ANTXR2: variants seen among roughly 807,000 people sequenced by gnomAD.
The protein encoded by ANTXR2 is ANTXR cell adhesion molecule 2, also known as anthrax toxin receptor 2.
ANTXR2 carries 44 observed loss-of-function variants against 73.7 expected under a neutral mutation model. The observed-to-expected ratio is 0.60, with a 90% CI of 0.47 to 0.77. ANTXR2 has a LOEUF of 0.77. Ranked by LOEUF, ANTXR2 falls within the 30% of genes least tolerant of loss-of-function variation. The pLI is 0.00. For synonymous variants in ANTXR2, 217 were observed against 205.9 expected (o/e 1.05, Z -0.46); for missense variants, 604 against 592.5 (o/e 1.02, Z -0.20).
rs377006532 is a variant in ANTXR2, at chr4:79,915,862, C to CTCTA, written c.1429-8396_1429-8395insTAGA. Reference sequence around the variant, plus strand: ...TCTCTCTCTCTCTCTCTCTCTCTCTCTATATATATATATATACATAAAGAA... The same window carrying CTCTA: ...TCTCTCTCTCTCTCTCTCTCTCTCTCTCTATATATATATATATATACATAAAGAA... On this transcript the variant is annotated intron_variant, in intron 16 of 16. Transcript: ENST00000403729. Among the ~76,000 whole-genome samples, 660 of 123,866 alleles carry CTCTA rather than the reference C, an allele frequency of 5.3e-3. 4 individuals carry two copies. The highest frequency in any genetic ancestry group is 9.9e-3 in the African/African-American group (325 of 32,912). 81.3% of individuals were successfully genotyped at this position (123,866 alleles called of 152,430 possible). A position where few individuals can be genotyped will look rare whatever the true frequency, so the allele number is the denominator to read the frequency against.
At position 79,934,539 on chromosome 4, in the gene ANTXR2, C is replaced by CAA. The variant is rs1295742879; in HGVS notation, c.1429-27074_1429-27073dup. Among the ~76,000 whole-genome samples, 12 of 112,516 alleles carry CAA rather than the reference C, an allele frequency of 1.1e-4. 1 individual carries two copies. Among genetic ancestry groups the CAA allele is most frequent in the South Asian group, 7.6e-4 (3 of 3,940 alleles). The allele number at this position is 112,516 out of a possible 152,430, so 73.8% of individuals were successfully genotyped here. On this transcript the variant is annotated intron_variant, in intron 16 of 16. Coordinates refer to ENST00000403729, the MANE Select transcript of ANTXR2 (RefSeq NM_058172.6). ...AAGACCCTGTCTAAAACAACAACAA[C>CAA]AACAAAAAAAAAAAAACACCAAACC...
chr4:79,934,554 A>AC (rs1352623315), intron 16 of ANTXR2, among the ~76,000 whole-genome samples: 5 of 151,740 alleles, frequency 3.3e-5, no homozygotes, highest in Non-Finnish European at 7.4e-5. Context: ...AAAAAAAAAA[A>AC]ACACCAAACC....
rs1298054513 is a variant in ANTXR2 at position 79,983,983 on chromosome 4, G to A, written c.1087-13C>T. Reference sequence around the variant, plus strand: ...GTTCTTCTTCCTCCTGTGGAAATATGTTTTATAAATAGTTTTTAATTAATT... The same window carrying A: ...GTTCTTCTTCCTCCTGTGGAAATATATTTTATAAATAGTTTTTAATTAATT... On this transcript the variant is annotated splice_polypyrimidine_tract_variant and intron_variant, in intron 13 of 16. Coordinates refer to ENST00000403729, the MANE Select transcript of ANTXR2 (RefSeq NM_058172.6). 5.2e-6 allele frequency: 8 copies of A among 1,529,250 alleles called. No homozygotes were observed. Among genetic ancestry groups the A allele is most frequent in the Non-Finnish European group, 6.2e-6 (7 of 1,128,964 alleles). 94.7% of individuals were successfully genotyped at this position (1,529,250 alleles called of 1,614,324 possible).
At chr4:80,000,795 T>G (rs1730992513) in intron 12 of ANTXR2, among the ~76,000 whole-genome samples, 1 of 152,110 alleles carries the variant, frequency 6.6e-6, no homozygotes, top group African/African-American at 2.4e-5. Context: ...ACAGACACAG[T>G]AATTAGTCAA....
intron 7 of ANTXR2, among the ~76,000 whole-genome samples, chr4:80,043,131 A>C (rs1271709926): frequency 6.6e-6 from 1 of 152,020 alleles, no homozygotes; most frequent in East Asian, 1.9e-4. Context: ...TTCCATACTA[A>C]AAGCTCTGAC....
chr4:79,982,073 A>C (rs1173269103), intron 14 of ANTXR2, among the ~76,000 whole-genome samples: 2 of 152,264 alleles, frequency 1.3e-5, no homozygotes, highest in East Asian at 3.9e-4. Flanking sequence ...AAGAGATCTC[A>C]ATCTTTGGAA....
In ANTXR2 at chr4:79,907,214, T is replaced by C. The variant is rs1400884360; in HGVS notation, c.*215A>G. The C allele has an allele frequency of 5.0e-6, 3 of 596,198 alleles. No homozygotes were observed. The highest frequency in any genetic ancestry group is 2.9e-6 in the Non-Finnish European group (1 of 340,694). 36.9% of individuals were successfully genotyped at this position (596,198 alleles called of 1,614,324 possible). A position where few individuals can be genotyped will look rare whatever the true frequency, so the allele number is the denominator to read the frequency against. On this transcript the variant is annotated 3_prime_UTR_variant, in exon 17 of 17. Transcript: ENST00000403729. ...AATGTCATAAATCATGAGTTACCACTGAGTTTCATCACCTCCCATGTAGAT... is the reference window on the plus strand; with the variant it reads ...AATGTCATAAATCATGAGTTACCACCGAGTTTCATCACCTCCCATGTAGAT...
intron 10 of ANTXR2, among the ~76,000 whole-genome samples, chr4:80,022,420 T>C (rs1238280126): frequency 6.6e-6 from 1 of 152,234 alleles, no homozygotes; most frequent in Non-Finnish European, 1.5e-5. Flanking sequence ...ATTATTGGTA[T>C]GGTACTGGCA....
intron 3 of ANTXR2, among the ~76,000 whole-genome samples, chr4:80,062,129 T>C (rs1272670217): frequency 6.6e-6 from 1 of 152,216 alleles, no homozygotes; most frequent in Non-Finnish European, 1.5e-5. Context: ...CATGTCATTC[T>C]AATGCCAACA....
chr4:80,018,194 T>G (rs1037599607), intron 11 of ANTXR2, among the ~76,000 whole-genome samples: 1 of 152,190 alleles, frequency 6.6e-6, no homozygotes, highest in African/African-American at 2.4e-5. Flanking sequence ...TTACATATTT[T>G]TTACAAAATA....
chr4:80,031,541 A>G, intron 10 of ANTXR2, 82 bp downstream of exon 10: 3 of 1,102,096 alleles, frequency 2.7e-6, no homozygotes, highest in Non-Finnish European at 3.8e-6. Context: ...AAGATAGAAT[A>G]AAATGACCAA....
intron 7 of ANTXR2, among the ~76,000 whole-genome samples, chr4:80,039,706 G>A (rs752718571): frequency 2.6e-5 from 4 of 152,218 alleles, no homozygotes; most frequent in African/African-American, 9.6e-5. Context: ...TTTAGCCACT[G>A]TGGAAAGCAG....
intron 16 of ANTXR2, among the ~76,000 whole-genome samples, chr4:79,912,907 A>T (rs557021031): frequency 6.6e-6 from 1 of 152,282 alleles, no homozygotes; most frequent in Non-Finnish European, 1.5e-5. Context: ...TTATGCAAAG[A>T]CTTTAATAGA....
intron 3 of ANTXR2, among the ~76,000 whole-genome samples, chr4:80,058,366 A>T (rs1461059250): frequency 6.6e-6 from 1 of 152,048 alleles, no homozygotes; most frequent in Non-Finnish European, 1.5e-5. Flanking sequence ...TCCCATCATT[A>T]CTTTTGCAGC....
rs60730236 is a variant in ANTXR2 at position 80,061,284 on chromosome 4, CTGTGTGTG to C, written c.297-5279_297-5272del. Among the ~76,000 whole-genome samples the C allele has an allele frequency of 5.4e-5, 8 of 149,180 alleles. No individual in the cohort carries two copies. The South Asian group carries it at 6.4e-4, about 12-fold the overall frequency. Reference sequence around the variant, plus strand: ...AAAAGTAAAAAGTGTGTGTGTGCCTCTGTGTGTGTGTGTGTGTGTGTGTGTATTCTATG... The same window carrying C: ...AAAAGTAAAAAGTGTGTGTGTGCCTCTGTGTGTGTGTGTGTGTATTCTATG... On this transcript the variant is annotated intron_variant, in intron 3 of 16. Coordinates refer to ENST00000403729, the MANE Select transcript of ANTXR2 (RefSeq NM_058172.6).
intron 11 of ANTXR2, among the ~76,000 whole-genome samples, chr4:80,011,428 T>C (rs1045653755): frequency 3.3e-5 from 5 of 152,140 alleles, no homozygotes; most frequent in Admixed American, 1.3e-4. Flanking sequence ...TAGGAAACTA[T>C]GGCACAAAGG....
At chr4:80,043,332 A>G (rs1455923328) in intron 7 of ANTXR2, among the ~76,000 whole-genome samples, 1 of 152,056 alleles carries the variant, frequency 6.6e-6, no homozygotes, top group Non-Finnish European at 1.5e-5. Context: ...AACAGTCACT[A>G]TCCTTTCTCA....
At chr4:79,976,519 T>C (rs140666033) in intron 16 of ANTXR2, among the ~76,000 whole-genome samples, 1 of 151,480 alleles carries the variant, frequency 6.6e-6, no homozygotes, top group East Asian at 1.9e-4. Context: ...GACCCGGAAG[T>C]TGTCACACCT....
chr4:79,991,103 G>A (rs1350378809), intron 12 of ANTXR2, among the ~76,000 whole-genome samples: 2 of 152,020 alleles, frequency 1.3e-5, no homozygotes, highest in African/African-American at 4.8e-5. Flanking sequence ...AAACAAGTAG[G>A]ACCTAATTAA....
Sources: allele counts gnomAD v4.1 joint callset (sites outside exome capture counted in the v4.1 genomes callset), GRCh38; gene constraint gnomAD v4.1.1; transcripts MANE v1.5; gene names NCBI Gene and HGNC (gene_info 2026-07-23, HGNC 2026-07-21).